AXIN1: variants seen among roughly 807,000 people sequenced by gnomAD.
The protein encoded by AXIN1 is axin-1.
Under a neutral mutation model 76.4 loss-of-function variants are expected in AXIN1, and 30 were observed. That is an observed-to-expected ratio of 0.39 (90% CI 0.29 to 0.53). The LOEUF is 0.53. Ranked by LOEUF, AXIN1 falls within the 20% of genes least tolerant of loss-of-function variation. AXIN1 has a pLI of 0.66. For missense variants in AXIN1, 1,140 were observed against 1,198.8 expected (o/e 0.95, Z 0.72); for synonymous variants, 545 against 501.4 (o/e 1.09, Z -1.16).
rs1805103 is a variant in AXIN1 at position 298,042 on chromosome 16, C to T, written c.1464G>A (p.Gly488=). 6.3e-7 allele frequency: 1 copy of T among 1,586,232 alleles called. No homozygotes were observed. Among genetic ancestry groups the T allele is most frequent in the Admixed American group, 1.7e-5 (1 of 58,062 alleles). ...CACTGTCCGGGGAGCGATGGCCAGG[C>T]CCAGGCGACTGGCGGCCAGGTGTCC... ...VLRTPGRQSP[G]PGHRSPDSGH... Residue 488 remains glycine, a synonymous_variant, in exon 6 of 11, where the codon GGG becomes GGA. Transcript: ENST00000262320.
At chr16:318,512 G>C (rs954962582) in intron 2 of AXIN1, among the ~76,000 whole-genome samples, 6 of 152,224 alleles carry the variant, frequency 3.9e-5, no homozygotes, top group African/African-American at 1.4e-4. Context: ...TGTACCTGAA[G>C]ACACAGGCGG....
intron 10 of AXIN1, among the ~76,000 whole-genome samples, 173 bp downstream of exon 10, chr16:289,267 T>A (rs1343167806): frequency 6.6e-6 from 1 of 152,164 alleles, no homozygotes; most frequent in African/African-American, 2.4e-5. Context: ...GGTTTCACCA[T>A]GTTGCCCAGG....
chr16:348,348 A>G (rs1338410803), intron 1 of AXIN1, among the ~76,000 whole-genome samples: 1 of 151,978 alleles, frequency 6.6e-6, no homozygotes, highest in Non-Finnish European at 1.5e-5. Flanking sequence ...CAGCAAACAA[A>G]TAAAACCCTA....
At chr16:342,891 A>G (rs578164014) in intron 2 of AXIN1, among the ~76,000 whole-genome samples, 1 of 152,372 alleles carries the variant, frequency 6.6e-6, no homozygotes, top group African/African-American at 2.4e-5. Context: ...AGTGCCCTTC[A>G]GGGTTGGGCT....
intron 2 of AXIN1, among the ~76,000 whole-genome samples, chr16:344,600 T>G (rs1458040324): frequency 6.6e-6 from 1 of 151,742 alleles, no homozygotes; most frequent in Non-Finnish European, 1.5e-5. Context: ...GCGATTCTCC[T>G]GCTTCAGCCT....
At chr16:294,495 C>T (rs114750672) in intron 7 of AXIN1, among the ~76,000 whole-genome samples, 131 of 146,486 alleles carry the variant, frequency 8.9e-4, no homozygotes, top group Admixed American at 7.5e-4. Context: ...TGGCCAGGCG[C>T]GGTAATCCCA....
At chr16:316,724 G>C (rs2053311007) in intron 2 of AXIN1, among the ~76,000 whole-genome samples, 1 of 152,098 alleles carries the variant, frequency 6.6e-6, no homozygotes, top group South Asian at 2.1e-4. Flanking sequence ...CTCACAGGGG[G>C]TTTATCACAG....
rs749674060 is a variant in AXIN1 at position 346,942 on chromosome 16, C to T, written c.84G>A (p.Glu28=). 15 of 1,614,256 alleles carry T rather than the reference C, an allele frequency of 9.3e-6. No individual in the cohort carries two copies. Among genetic ancestry groups the T allele is most frequent in the Non-Finnish European group, 1.2e-5 (14 of 1,180,042 alleles). Residue 28 remains glutamate, a synonymous_variant, in exon 2 of 11, where the codon GAG becomes GAA. Transcript: ENST00000262320. The stretch of plus-strand genomic sequence containing the variant: ...GGTCTGTGGACACCAGTTCTCCCTC[C>T]TCACCAGGCACTGGGGGTCGGGGAG... The part of the protein sequence containing the change: ...EDAPRPPVPG[E]EGELVSTDPR...
chr16:301,227 T>C (rs1451179765), intron 5 of AXIN1, among the ~76,000 whole-genome samples: 17 of 149,216 alleles, frequency 1.1e-4, no homozygotes, highest in African/African-American at 3.0e-4. Flanking sequence ...GCTGAGATCG[T>C]GCCACTGCAC....
At chr16:326,804 C>T (rs1007980587) in intron 2 of AXIN1, among the ~76,000 whole-genome samples, 1 of 151,828 alleles carries the variant, frequency 6.6e-6, no homozygotes, top group African/African-American at 2.4e-5. Flanking sequence ...TTACTTCCTC[C>T]ATAAAATCAG....
Position 307,160 on chromosome 16 carries a change from C to A in AXIN1, c.1117-2719G>T, listed in dbSNP as rs1053045540. ...GCGCTTATGGTCTGAACAGTCAGCA[C>A]CACAGAGACCAAGGGCAGGATGAAA... On this transcript the variant is annotated intron_variant, in intron 4 of 10. Coordinates refer to ENST00000262320, the MANE Select transcript of AXIN1 (RefSeq NM_003502.4). 9.2e-5 allele frequency among the ~76,000 whole-genome samples: 14 copies of A among 152,294 alleles called. No homozygotes were observed. In the South Asian group the frequency reaches 1.7e-3, roughly 18 times the overall value.
chr16:295,441 T>C (rs974904205), intron 7 of AXIN1, among the ~76,000 whole-genome samples: 1 of 152,030 alleles, frequency 6.6e-6, no homozygotes, highest in Non-Finnish European at 1.5e-5. Context: ...AATTATATAC[T>C]AATCCTAGAG....
chr16:345,203 C>T (rs1297652726), intron 2 of AXIN1, among the ~76,000 whole-genome samples: 8 of 152,184 alleles, frequency 5.3e-5, no homozygotes, highest in African/African-American at 1.7e-4. Flanking sequence ...AGGCAACACA[C>T]GCACCCCACA....
chr16:330,217 C>T (rs1322752668), intron 2 of AXIN1, among the ~76,000 whole-genome samples: 1 of 152,002 alleles, frequency 6.6e-6, no homozygotes, highest in African/African-American at 2.4e-5. Context: ...CATGCCACCA[C>T]ACTCATCTCA....
At chr16:318,246 A>G (rs1310075254) in intron 2 of AXIN1, among the ~76,000 whole-genome samples, 1 of 152,144 alleles carries the variant, frequency 6.6e-6, no homozygotes, top group African/African-American at 2.4e-5. Flanking sequence ...TGCCTTTCAC[A>G]TTTTTGGAAA....
At chr16:330,307 A>G (rs2053668724) in intron 2 of AXIN1, among the ~76,000 whole-genome samples, 1 of 149,398 alleles carries the variant, frequency 6.7e-6, no homozygotes, top group African/African-American at 2.5e-5. Context: ...CAAGCAATCC[A>G]CCCACCTTGG....
intron 4 of AXIN1, among the ~76,000 whole-genome samples, chr16:308,539 C>T (rs547639157): frequency 1.3e-5 from 2 of 152,378 alleles, no homozygotes; most frequent in South Asian, 4.1e-4. Context: ...GAGGGCTGTT[C>T]CGGGCCTGTG....
chr16:310,263 G>C (rs1450410907), intron 3 of AXIN1, among the ~76,000 whole-genome samples, 194 bp from the exon 4 acceptor site: 1 of 152,192 alleles, frequency 6.6e-6, no homozygotes, highest in Non-Finnish European at 1.5e-5. Context: ...ACACACAAAG[G>C]TTCACACGTG....
intron 2 of AXIN1, among the ~76,000 whole-genome samples, chr16:325,755 T>G (rs2053567338): frequency 6.6e-6 from 1 of 152,194 alleles, no homozygotes; most frequent in African/African-American, 2.4e-5. Flanking sequence ...ACACGGCACC[T>G]TGCTCTGTGT....
Sources: allele counts gnomAD v4.1 joint callset (sites outside exome capture counted in the v4.1 genomes callset), GRCh38; gene constraint gnomAD v4.1.1; transcripts MANE v1.5; gene names NCBI Gene and HGNC (gene_info 2026-07-23, HGNC 2026-07-21).